Variants in BTNL8 observed in about 807,000 individuals in gnomAD.
The protein encoded by BTNL8 is butyrophilin like 8.
In BTNL8, 22 loss-of-function variants were observed where a neutral mutation model predicts 36.1. The observed-to-expected ratio is 0.61, with a 90% CI of 0.44 to 0.87. BTNL8 has a LOEUF of 0.87. BTNL8 is among the 40% of genes least tolerant of loss of function. The pLI is 0.00. For synonymous variants in BTNL8, 203 were observed against 235.6 expected (o/e 0.86, Z 1.27); for missense variants, 526 against 616.9 (o/e 0.85, Z 1.56).
At chr5:180,916,334 C>G (rs1240573757) in intron 3 of BTNL8, among the ~76,000 whole-genome samples, 2 of 151,954 alleles carry the variant, frequency 1.3e-5, no homozygotes. Flanking sequence ...TGTAGCAAAA[C>G]CAGTTCTAAA....
intron 3 of BTNL8, among the ~76,000 whole-genome samples, chr5:180,944,165 G>C (rs1048529320): frequency 3.3e-5 from 5 of 152,200 alleles, no homozygotes; most frequent in African/African-American, 1.2e-4. Context: ...GACTGGTGGA[G>C]CTGGGGATAG....
chr5:180,944,029 G>A (rs149317759), intron 3 of BTNL8, among the ~76,000 whole-genome samples: 48 of 152,228 alleles, frequency 3.2e-4, no homozygotes, highest in African/African-American at 9.4e-4. Flanking sequence ...TCTCATAGAG[G>A]TACAGAATCT....
rs948813811 is a variant in BTNL8 at position 180,935,168 on chromosome 5, A to C, written c.674-12344A>C. On this transcript the variant is annotated intron_variant, in intron 3 of 7. Coordinates refer to ENST00000340184, the MANE Select transcript of BTNL8 (RefSeq NM_001040462.3). This position sits in a 1 kb window ranked among gnomAD's most constrained non-coding sequence, Gnocchi z 4.8. ...GGATGGCCATGGGTGGCTGGGAAAA[A>C]GCACCATAAATTCTGACTCCAGGCA... 6.6e-5 allele frequency among the ~76,000 whole-genome samples: 10 copies of C among 152,128 alleles called. No homozygotes were observed. The highest frequency in any genetic ancestry group is 1.5e-4 in the Non-Finnish European group (10 of 68,008).
In BTNL8 at chr5:180,899,180, C is replaced by T. The variant is rs143383069; in HGVS notation, c.-131C>T. The T allele has an allele frequency of 7.5e-4, 777 of 1,038,570 alleles. 3 individuals carry two copies. The African/African-American group carries it at 8.4e-3, about 11-fold the overall frequency. 64.3% of individuals were successfully genotyped at this position (1,038,570 alleles called of 1,614,324 possible). On this transcript the variant is annotated 5_prime_UTR_variant, in exon 1 of 8. Coordinates refer to ENST00000340184, the MANE Select transcript of BTNL8 (RefSeq NM_001040462.3). ...TCTCAGAACAGCGCAGTTTGCCCTC[C>T]GCTCACGCAGAGCCTCTCCGTGGCT...
chr5:180,902,763 G>C (rs1365198198), intron 1 of BTNL8, among the ~76,000 whole-genome samples: 1 of 144,246 alleles, frequency 6.9e-6, no homozygotes, highest in Non-Finnish European at 1.5e-5. Context: ...CTATGAGTGA[G>C]AATATGCGGT....
intron 3 of BTNL8, among the ~76,000 whole-genome samples, chr5:180,923,180 T>G (rs1041360902): frequency 6.6e-6 from 1 of 152,154 alleles, no homozygotes; most frequent in African/African-American, 2.4e-5. Context: ...ATTTAGCCAA[T>G]AAGGCAGTTT....
intron 3 of BTNL8, among the ~76,000 whole-genome samples, chr5:180,936,126 G>A (rs966098159): frequency 1.3e-5 from 2 of 151,968 alleles, no homozygotes; most frequent in Non-Finnish European, 2.9e-5. Context: ...GGCCAGGATG[G>A]TCTCGATCTC....
chr5:180,949,727 C>A, intron 7 of BTNL8, 177 bp from the exon 8 acceptor site: 1 of 783,258 alleles, frequency 1.3e-6, no homozygotes, highest in Non-Finnish European at 2.0e-6. Context: ...ATTGATGAGT[C>A]CTCCAGGCTG....
At chr5:180,937,969 G>C (rs1191808065) in intron 3 of BTNL8, among the ~76,000 whole-genome samples, 1 of 151,034 alleles carries the variant, frequency 6.6e-6, no homozygotes, top group Non-Finnish European at 1.5e-5. Flanking sequence ...ATTCAACAGA[G>C]AGACAGATAC....
intron 3 of BTNL8, among the ~76,000 whole-genome samples, chr5:180,944,458 C>A (rs535177491): frequency 3.3e-5 from 5 of 152,162 alleles, no homozygotes; most frequent in South Asian, 2.1e-4. Flanking sequence ...AATTAAAATT[C>A]TTTTAAAAAG....
Position 180,908,686 on chromosome 5 carries a change from C to T in BTNL8, c.150C>T (p.Ala50=). Residue 50 remains alanine, a synonymous_variant, in exon 2 of 8, where the codon GCC becomes GCT. Coordinates refer to ENST00000340184, the MANE Select transcript of BTNL8 (RefSeq NM_001040462.3). Reference sequence around the variant, plus strand: ...TGTCTCCTAAGACCAATGCAGAGGCCATGGAAGTGCGGTTCTTCAGGGGCC... The same window carrying T: ...TGTCTCCTAAGACCAATGCAGAGGCTATGGAAGTGCGGTTCTTCAGGGGCC... ...CFLSPKTNAE[A]MEVRFFRGQF... 1.9e-6 allele frequency: 3 copies of T among 1,614,162 alleles called. No homozygotes were observed. The highest frequency in any genetic ancestry group is 1.7e-6 in the Non-Finnish European group (2 of 1,180,032).
chr5:180,922,846 A>G (rs1192803239), intron 3 of BTNL8, among the ~76,000 whole-genome samples: 1 of 152,086 alleles, frequency 6.6e-6, no homozygotes, highest in African/African-American at 2.4e-5. Flanking sequence ...AAGGTCTCCA[A>G]GAACTTGCTT....
intron 3 of BTNL8, among the ~76,000 whole-genome samples, chr5:180,923,081 T>C (rs1231645122): frequency 1.3e-5 from 2 of 152,222 alleles, no homozygotes; most frequent in Non-Finnish European, 2.9e-5. Context: ...ATGGATGTTG[T>C]TGCGTGTGAG....
At chr5:180,902,158 G>T (rs758467279) in intron 1 of BTNL8, among the ~76,000 whole-genome samples, 3 of 150,418 alleles carry the variant, frequency 2.0e-5, no homozygotes, top group Non-Finnish European at 2.9e-5. Flanking sequence ...TTGGTTTTCA[G>T]CAAGGACGAT....
intron 2 of BTNL8, 39 bp from the exon 3 acceptor site, chr5:180,911,300 G>A (rs2276994): frequency 0.39 from 618,441 of 1,603,458 alleles, 123,075 homozygotes; most frequent in African/African-American, 0.63. Flanking sequence ...GCTTTGGGAT[G>A]TGATCTTTGC....
chr5:180,933,510 T>C (rs918625777), intron 3 of BTNL8, among the ~76,000 whole-genome samples: 9 of 152,032 alleles, frequency 5.9e-5, no homozygotes, highest in African/African-American at 2.2e-4. Flanking sequence ...CAGGCAAATA[T>C]GTGGAAATTA....
chr5:180,902,433 A>T, intron 1 of BTNL8: 1 of 1,538,968 alleles, frequency 6.5e-7, no homozygotes, highest in South Asian at 1.2e-5. Context: ...CTGGCTTTAG[A>T]AATAGGATTG....
chr5:180,941,461 C>T (rs7721988), intron 3 of BTNL8, among the ~76,000 whole-genome samples: 1 of 152,010 alleles, frequency 6.6e-6, no homozygotes, highest in East Asian at 1.9e-4. Context: ...ACAGTATTAT[C>T]CTGATGCCAA....
intron 2 of BTNL8, chr5:180,909,524 A>C: frequency 1.0e-6 from 1 of 986,164 alleles, no homozygotes; most frequent in South Asian, 4.7e-5. Flanking sequence ...CCTGACAATC[A>C]GTTGCTCAAT....
Sources: gnomAD v4.1 joint callset for allele counts (sites outside exome capture counted in the v4.1 genomes callset) on GRCh38, gnomAD v4.1.1 for gene constraint, Gnocchi (gnomAD v3.1) non-coding constraint, MANE v1.5 for transcripts, NCBI Gene and HGNC (gene_info 2026-07-23, HGNC 2026-07-21) for gene names.